Variants in PRKN observed in about 807,000 individuals in gnomAD.
PRKN encodes E3 ubiquitin-protein ligase parkin.
Under a neutral mutation model 59.5 loss-of-function variants are expected in PRKN, and 56 were observed. That is an observed-to-expected ratio of 0.94 (90% confidence interval 0.76 to 1.18). The LOEUF is 1.18. Among genes scored for constraint, PRKN ranks in the 50% most tolerant of loss-of-function variants. The pLI, the probability that PRKN is intolerant of heterozygous loss-of-function variation, is 0.00. For missense variants in PRKN, 657 were observed against 596.4 expected (o/e 1.10, Z -1.06); for synonymous variants, 250 against 222.1 (o/e 1.13, Z -1.12).
chr6:161,569,134 C>G lies in PRKN; in HGVS notation c.933+221G>C, dbSNP rs371342285. ...TGCTTGAGTCTTGAGATGAAATGCA[C>G]TGCACTGGCAGATAGCAGATGTAGC... On this transcript the variant is annotated intron_variant, in intron 8 of 11. Transcript: ENST00000366898. 2.6e-5 allele frequency among the ~76,000 whole-genome samples: 4 copies of G among 152,340 alleles called. No individual in the cohort carries two copies. The South Asian group carries it at 8.3e-4, about 32-fold the overall frequency.
chr6:161,534,172 T>C (rs1779326193), intron 9 of PRKN, among the ~76,000 whole-genome samples: 1 of 152,126 alleles, frequency 6.6e-6, no homozygotes, highest in Non-Finnish European at 1.5e-5. Context: ...CCACGACTCC[T>C]CTCCGTCGGC....
intron 1 of PRKN, among the ~76,000 whole-genome samples, chr6:162,555,612 C>A (rs892496346): frequency 6.7e-6 from 1 of 148,630 alleles, no homozygotes; most frequent in Admixed American, 6.8e-5. Context: ...ATGATGTCAG[C>A]GTTACACTGT....
chr6:162,534,504 G>C (rs1778638987), intron 1 of PRKN, among the ~76,000 whole-genome samples: 1 of 152,066 alleles, frequency 6.6e-6, no homozygotes, highest in South Asian at 2.1e-4. Flanking sequence ...TTCTTCATTA[G>C]ACCGCACACT....
chr6:161,756,593 C>T (rs924377927), intron 7 of PRKN, among the ~76,000 whole-genome samples: 1 of 151,764 alleles, frequency 6.6e-6, no homozygotes, highest in Non-Finnish European at 1.5e-5. Flanking sequence ...CTCTCTCTCT[C>T]TCCCCCTACC....
chr6:161,693,448 C>G (rs1200545141), intron 7 of PRKN, among the ~76,000 whole-genome samples: 1 of 152,146 alleles, frequency 6.6e-6, no homozygotes, highest in Admixed American at 6.6e-5. Context: ...CAAGTTTGGG[C>G]ACTTTTTTTA....
intron 6 of PRKN, among the ~76,000 whole-genome samples, chr6:161,967,122 G>A (rs541642527): frequency 1.3e-5 from 2 of 152,280 alleles, no homozygotes; most frequent in Non-Finnish European, 2.9e-5. Context: ...GAGCCACTGC[G>A]CCCGGCCTAA....
intron 2 of PRKN, among the ~76,000 whole-genome samples, chr6:162,302,800 C>G (rs564333153): frequency 6.6e-6 from 1 of 152,158 alleles, no homozygotes; most frequent in South Asian, 2.1e-4. Context: ...TGTTACACAG[C>G]CATAGAAAGC....
At chr6:162,692,470 A>G (rs2023041) in intron 1 of PRKN, among the ~76,000 whole-genome samples, 139,444 of 152,154 alleles carry the variant, frequency 0.92, 64,071 homozygotes, top group East Asian at 0.98. Context: ...TAGTTCACCC[A>G]GGGCCCTAGG....
chr6:162,624,256 A>AT (rs1782795219), intron 1 of PRKN: 2 of 151,796 alleles, frequency 1.3e-5, no homozygotes, highest in Non-Finnish European at 2.9e-5. Context: ...TCCACAAAAA[A>AT]AAAAAAACAA....
intron 7 of PRKN, among the ~76,000 whole-genome samples, chr6:161,669,835 A>G (rs1181693112): frequency 6.6e-6 from 1 of 152,212 alleles, no homozygotes; most frequent in Non-Finnish European, 1.5e-5. Context: ...GTCCCGTTTC[A>G]CCATCCAGGT....
rs1234763302 is a variant in PRKN at position 161,396,959 on chromosome 6, T to C, written c.1084-10082A>G. On this transcript the variant is annotated intron_variant, in intron 9 of 11. Transcript: ENST00000366898. This position sits in a 1 kb window ranked among gnomAD's most constrained non-coding sequence, Gnocchi z 5.4. ...TCAATCAATCAATCAGTCAAAATGA[T>C]ACATTAACCCTTTATTGTATGTTGA... Among the ~76,000 whole-genome samples the C allele has an allele frequency of 1.3e-5, 2 of 152,210 alleles. No individual in the cohort carries two copies. The highest frequency in any genetic ancestry group is 2.9e-5 in the Non-Finnish European group (2 of 68,040).
chr6:162,661,701 A>C (rs1182719619), intron 1 of PRKN, among the ~76,000 whole-genome samples: 1 of 152,226 alleles, frequency 6.6e-6, no homozygotes, highest in Non-Finnish European at 1.5e-5. Flanking sequence ...GGCTGAAGTA[A>C]TAATCTACGC....
chr6:161,465,736 TG>T (rs1365905252), intron 9 of PRKN, among the ~76,000 whole-genome samples: 1 of 152,180 alleles, frequency 6.6e-6, no homozygotes, highest in East Asian at 1.9e-4. Context: ...CTGTGCTTTT[TG>T]GGTATTTAAT....
At chr6:162,008,943 T>A (rs1038971231) in intron 5 of PRKN, among the ~76,000 whole-genome samples, 6 of 151,664 alleles carry the variant, frequency 4.0e-5, no homozygotes, top group Non-Finnish European at 8.8e-5. Context: ...AAATAAACTA[T>A]GTAAAAAGGA....
intron 2 of PRKN, among the ~76,000 whole-genome samples, chr6:162,287,006 C>T (rs575377661): frequency 6.6e-6 from 1 of 152,314 alleles, no homozygotes; most frequent in Non-Finnish European, 1.5e-5. Context: ...TTGCTTCATT[C>T]TATAACCAAA....
At chr6:162,498,557 T>C (rs1793207663) in intron 1 of PRKN, among the ~76,000 whole-genome samples, 1 of 148,860 alleles carries the variant, frequency 6.7e-6, no homozygotes, top group Non-Finnish European at 1.5e-5. Flanking sequence ...GCGATTGTCC[T>C]GCCTCAGCCT....
intron 6 of PRKN, among the ~76,000 whole-genome samples, chr6:161,870,079 T>C (rs1794282095): frequency 6.6e-6 from 1 of 152,168 alleles, no homozygotes; most frequent in Admixed American, 6.5e-5. Flanking sequence ...GATAGAAAAG[T>C]ACATTTTCTC....
intron 3 of PRKN, among the ~76,000 whole-genome samples, chr6:162,238,312 C>T (rs769815848): frequency 3.3e-5 from 5 of 152,180 alleles, no homozygotes; most frequent in African/African-American, 4.8e-5. Flanking sequence ...CAATAGGCTA[C>T]ACCGTACAGC....
chr6:161,874,038 A>T, intron 6 of PRKN, among the ~76,000 whole-genome samples: 1 of 74,940 alleles, frequency 1.3e-5, no homozygotes, highest in Non-Finnish European at 2.5e-5. Context: ...TATATAAAAT[A>T]TATATTATAT....
Sources: allele counts gnomAD v4.1 joint callset (sites outside exome capture counted in the v4.1 genomes callset), GRCh38; gene constraint gnomAD v4.1.1; non-coding constraint Gnocchi (gnomAD v3.1); transcripts MANE v1.5; gene names NCBI Gene and HGNC (gene_info 2026-07-23, HGNC 2026-07-21).